Variants in SMOC1 observed in about 807,000 individuals in gnomAD.
SMOC1 encodes the protein SPARC-related modular calcium-binding protein 1.
A neutral mutation model predicts 56.3 loss-of-function variants in SMOC1; 22 were observed. That is an observed-to-expected ratio of 0.39 (90% CI 0.28 to 0.56). The LOEUF is 0.56. Ranked by LOEUF, SMOC1 falls within the 20% of genes least tolerant of loss-of-function variation. The pLI, the probability that SMOC1 is intolerant of heterozygous loss-of-function variation, is 0.61. For synonymous variants in SMOC1, 193 were observed against 215.0 expected (o/e 0.90, Z 0.89); for missense variants, 509 against 565.4 (o/e 0.90, Z 1.01).
chr14:69,932,488 T>G (rs1435927713), intron 1 of SMOC1, among the ~76,000 whole-genome samples: 1 of 152,160 alleles, frequency 6.6e-6, no homozygotes, highest in Non-Finnish European at 1.5e-5. Flanking sequence ...CACAAAGGCA[T>G]CAGGAGGAAT....
At position 69,975,655 on chromosome 14, in the gene SMOC1, T is replaced by A. The variant is rs1459360881; in HGVS notation, c.379-60T>A. Reference sequence around the variant, plus strand: ...GTGATGCTTTGAAAGGGGTTGGAGATGAGTCTTGATATTGTGACCGAGACT... The same window carrying A: ...GTGATGCTTTGAAAGGGGTTGGAGAAGAGTCTTGATATTGTGACCGAGACT... On this transcript the variant is annotated intron_variant, in intron 3 of 11. Transcript: ENST00000361956. The A allele has an allele frequency of 4.1e-6, 5 of 1,211,534 alleles. No homozygotes were observed. In the East Asian group the frequency reaches 1.2e-4, roughly 28 times the overall value. 75.0% of individuals were successfully genotyped at this position (1,211,534 alleles called of 1,614,324 possible).
At chr14:69,891,147 T>G (rs916601831) in intron 1 of SMOC1, among the ~76,000 whole-genome samples, 1 of 152,196 alleles carries the variant, frequency 6.6e-6, no homozygotes, top group Non-Finnish European at 1.5e-5. Context: ...ACATAAAGGT[T>G]GAAAGCATGC....
chr14:69,949,258 G>A (rs1373623191), intron 1 of SMOC1, among the ~76,000 whole-genome samples: 1 of 152,194 alleles, frequency 6.6e-6, no homozygotes, highest in Non-Finnish European at 1.5e-5. Flanking sequence ...CATGAGGAGT[G>A]GCCCCAGCGA....
intron 1 of SMOC1, among the ~76,000 whole-genome samples, chr14:69,931,905 C>T (rs1425508587): frequency 6.6e-6 from 1 of 152,206 alleles, no homozygotes; most frequent in Admixed American, 6.5e-5. Context: ...TCACTTTTCC[C>T]TCCTGTGACG....
chr14:69,926,752 A>G (rs887450986), intron 1 of SMOC1, among the ~76,000 whole-genome samples: 1 of 152,270 alleles, frequency 6.6e-6, no homozygotes, highest in Admixed American at 6.5e-5. Context: ...CAAATGGCAC[A>G]TAGGCTCCAA....
intron 7 of SMOC1, among the ~76,000 whole-genome samples, chr14:70,004,438 G>A (rs227411): frequency 0.012 from 1,826 of 152,302 alleles, 34 homozygotes; most frequent in African/African-American, 0.042. Flanking sequence ...TTCATAATGT[G>A]GGTGGGTCCC....
chr14:69,971,252 C>T (rs1320902997), intron 3 of SMOC1, among the ~76,000 whole-genome samples: 1 of 152,102 alleles, frequency 6.6e-6, no homozygotes, highest in East Asian at 1.9e-4. Flanking sequence ...TCCTGATCTC[C>T]AGTGATCTGC....
At chr14:69,910,999 C>T (rs974550929) in intron 1 of SMOC1, among the ~76,000 whole-genome samples, 2 of 152,206 alleles carry the variant, frequency 1.3e-5, no homozygotes, top group African/African-American at 4.8e-5. Context: ...CTCCATGTTA[C>T]CCTGGGCAGA....
intron 1 of SMOC1, among the ~76,000 whole-genome samples, chr14:69,941,312 G>T (rs8008770): frequency 0.11 from 17,368 of 152,208 alleles, 1,106 homozygotes; most frequent in Non-Finnish European, 0.14. Flanking sequence ...TTTTCAGCCT[G>T]GGGTAACCAC....
At chr14:69,925,079 C>G (rs1327056982) in intron 1 of SMOC1, among the ~76,000 whole-genome samples, 1 of 1,826 alleles carries the variant, frequency 5.5e-4, no homozygotes, top group South Asian at 0.045. Context: ...AGTAGGGGAG[C>G]TAGGAGAGGT....
At chr14:70,016,231 A>T (rs2139599939) in intron 10 of SMOC1, among the ~76,000 whole-genome samples, 1 of 152,346 alleles carries the variant, frequency 6.6e-6, no homozygotes, top group East Asian at 1.9e-4. Context: ...GAAAGCTGAG[A>T]AATTTATAAC....
intron 7 of SMOC1, among the ~76,000 whole-genome samples, chr14:70,005,808 C>G (rs1437235049): frequency 6.6e-6 from 1 of 152,186 alleles, no homozygotes; most frequent in Admixed American, 6.5e-5. Flanking sequence ...CCATGCCCCC[C>G]TGGACAGCCC....
At chr14:69,925,090 AGGG>A (rs1324306846) in intron 1 of SMOC1, among the ~76,000 whole-genome samples, 1,366 of 5,392 alleles carry the variant, frequency 0.25, 571 homozygotes, top group East Asian at 0.9. Context: ...TAGGAGAGGT[AGGG>A]GAGGTAGGGG....
intron 3 of SMOC1, among the ~76,000 whole-genome samples, chr14:69,972,131 G>C (rs192277376): frequency 1.4e-3 from 208 of 152,274 alleles, no homozygotes; most frequent in African/African-American, 4.7e-3. Flanking sequence ...CAGACAGACC[G>C]AGGCTTAGTG....
intron 7 of SMOC1, among the ~76,000 whole-genome samples, chr14:70,003,036 C>T (rs1432780497): frequency 3.3e-5 from 5 of 152,254 alleles, no homozygotes; most frequent in African/African-American, 7.2e-5. Flanking sequence ...ACCACACTCT[C>T]ACATGCTCGC....
chr14:69,998,072 T>C (rs1252551742), intron 7 of SMOC1, among the ~76,000 whole-genome samples: 1 of 152,208 alleles, frequency 6.6e-6, no homozygotes, highest in Non-Finnish European at 1.5e-5. Flanking sequence ...GCTGAAGTTT[T>C]GCAATAACAT....
intron 10 of SMOC1, among the ~76,000 whole-genome samples, chr14:70,019,916 T>A (rs906645519): frequency 6.6e-6 from 1 of 152,210 alleles, no homozygotes; most frequent in Non-Finnish European, 1.5e-5. Flanking sequence ...TGCTGTCAAC[T>A]TCATCTGTGA....
At chr14:69,985,605 T>C (rs1001998315) in intron 5 of SMOC1, among the ~76,000 whole-genome samples, 4 of 152,068 alleles carry the variant, frequency 2.6e-5, no homozygotes, top group African/African-American at 7.2e-5. Flanking sequence ...AAATAAACAA[T>C]TTGTAAGTTT....
chr14:69,973,923 G>A (rs577046510), intron 3 of SMOC1, among the ~76,000 whole-genome samples: 1 of 152,230 alleles, frequency 6.6e-6, no homozygotes, highest in South Asian at 2.1e-4. Context: ...ATATGTCCTT[G>A]ATTTCAAGAA....
Sources: allele counts gnomAD v4.1 joint callset (sites outside exome capture counted in the v4.1 genomes callset), GRCh38; gene constraint gnomAD v4.1.1; transcripts MANE v1.5; gene names NCBI Gene and HGNC (gene_info 2026-07-23, HGNC 2026-07-21).